TAFA4: variants seen among roughly 807,000 people sequenced by gnomAD.
TAFA4 encodes chemokine-like protein TAFA-4.
In TAFA4, 20 loss-of-function variants were observed where a neutral mutation model predicts 21.1. That is an observed-to-expected ratio of 0.95 (90% CI 0.67 to 1.38). TAFA4 has a LOEUF of 1.38. Ranked by LOEUF, TAFA4 falls within the 40% of genes most tolerant of loss-of-function variation. The pLI, the probability that TAFA4 is intolerant of heterozygous loss-of-function variation, is 0.00. For synonymous variants in TAFA4, 71 were observed against 67.4 expected, an observed-to-expected ratio of 1.05 and a Z score of -0.26; for missense variants, 211 against 180.9, an observed-to-expected ratio of 1.17 and a Z score of -0.95.
chr3:68,757,980 G>A (rs886254015), intron 3 of TAFA4, among the ~76,000 whole-genome samples: 1 of 152,036 alleles, frequency 6.6e-6, no homozygotes, highest in Non-Finnish European at 1.5e-5. Flanking sequence ...TATGGGGTAG[G>A]TACTGTTTTT....
intron 3 of TAFA4, among the ~76,000 whole-genome samples, chr3:68,764,169 G>A (rs1241741539): frequency 1.3e-5 from 2 of 152,030 alleles, no homozygotes; most frequent in Non-Finnish European, 2.9e-5. Context: ...TAAAGGTGGG[G>A]TCCTAATCTG....
intron 1 of TAFA4, among the ~76,000 whole-genome samples, chr3:68,897,395 G>C (rs2089802330): frequency 6.9e-6 from 1 of 144,108 alleles, no homozygotes; most frequent in Admixed American, 7.3e-5. Context: ...GGGAGGCCAA[G>C]GGGGGCAGAC....
chr3:68,747,991 C>A (rs954960270), intron 4 of TAFA4, among the ~76,000 whole-genome samples: 1 of 152,162 alleles, frequency 6.6e-6, no homozygotes, highest in Non-Finnish European at 1.5e-5. Context: ...CTCCCTCCAC[C>A]ATCATATCCT....
At chr3:68,885,636 A>C (rs2089664461) in intron 1 of TAFA4, among the ~76,000 whole-genome samples, 1 of 152,210 alleles carries the variant, frequency 6.6e-6, no homozygotes, top group Non-Finnish European at 1.5e-5. Context: ...CATTTCATTG[A>C]CCATCAGGAA....
At chr3:68,735,715 T>C (rs953773104) in intron 5 of TAFA4, among the ~76,000 whole-genome samples, 1 of 152,016 alleles carries the variant, frequency 6.6e-6, no homozygotes, top group African/African-American at 2.4e-5. Flanking sequence ...ATATGAAATA[T>C]TGGAAATATT....
chr3:68,808,796 C>A (rs1703763897), intron 3 of TAFA4, among the ~76,000 whole-genome samples: 1 of 152,184 alleles, frequency 6.6e-6, no homozygotes, highest in Admixed American at 6.5e-5. Flanking sequence ...CAATGGCTCA[C>A]AACAAGGGTT....
At chr3:68,846,278 T>C (rs1704791090) in intron 3 of TAFA4, among the ~76,000 whole-genome samples, 1 of 151,912 alleles carries the variant, frequency 6.6e-6, no homozygotes, top group South Asian at 2.1e-4. Flanking sequence ...CTTCAATCTC[T>C]GATATCCTTT....
chr3:68,834,004 A>G (rs1704461682), intron 3 of TAFA4, among the ~76,000 whole-genome samples: 1 of 152,066 alleles, frequency 6.6e-6, no homozygotes, highest in African/African-American at 2.4e-5. Context: ...CATATTCCCA[A>G]CTCTTCATGC....
intron 3 of TAFA4, among the ~76,000 whole-genome samples, chr3:68,774,856 T>G (rs1703021090): frequency 6.6e-6 from 1 of 152,076 alleles, no homozygotes; most frequent in Non-Finnish European, 1.5e-5. Flanking sequence ...AAAAGGAAAT[T>G]GTGTAGCTAA....
chr3:68,744,997 G>A (rs1559756675), intron 4 of TAFA4, among the ~76,000 whole-genome samples: 1 of 152,180 alleles, frequency 6.6e-6, no homozygotes, highest in Non-Finnish European at 1.5e-5. Context: ...GTTCGTCAAA[G>A]TGTTACCCAT....
At chr3:68,892,846 T>C (rs914824732) in intron 1 of TAFA4, among the ~76,000 whole-genome samples, 3 of 152,342 alleles carry the variant, frequency 2.0e-5, no homozygotes, top group South Asian at 2.1e-4. Context: ...AAAGCAATCA[T>C]TGCTAAGTAA....
At position 68,885,285 on chromosome 3, in the gene TAFA4, C is replaced by G. The variant is rs1233777064; in HGVS notation, c.-97G>C. The G allele has an allele frequency of 9.0e-7, 1 of 1,109,414 alleles. No individual in the cohort carries two copies. The highest frequency in any genetic ancestry group is 1.3e-6 in the Non-Finnish European group (1 of 783,750). 68.7% of individuals were successfully genotyped at this position (1,109,414 alleles called of 1,614,324 possible). A position where few individuals can be genotyped will look rare whatever the true frequency, so the allele number is the denominator to read the frequency against. The stretch of plus-strand genomic sequence containing the variant: ...CTAGAACCAATCATTTCTGCCGTTC[C>G]AAAAAATTATCGTAGCTCAGAAGAC... On this transcript the variant is annotated 5_prime_UTR_variant, in exon 2 of 6. Transcript: ENST00000295569.
At chr3:68,810,008 A>C (rs1703797350) in intron 3 of TAFA4, among the ~76,000 whole-genome samples, 1 of 152,170 alleles carries the variant, frequency 6.6e-6, no homozygotes, top group Admixed American at 6.5e-5. Flanking sequence ...TCTAATCATG[A>C]TGCCTCTGGC....
At chr3:68,777,015 G>T (rs1703060556) in intron 3 of TAFA4, among the ~76,000 whole-genome samples, 1 of 151,954 alleles carries the variant, frequency 6.6e-6, no homozygotes, top group African/African-American at 2.4e-5. Context: ...ATTATTGTCA[G>T]CAACTCAGCA....
intron 1 of TAFA4, among the ~76,000 whole-genome samples, chr3:68,905,631 AAGG>A (rs1225723569): frequency 7.9e-5 from 12 of 152,198 alleles, no homozygotes; most frequent in Admixed American, 7.2e-4. Context: ...CCTAAATGAC[AAGG>A]AGGAGACAGA....
intron 1 of TAFA4, among the ~76,000 whole-genome samples, chr3:68,899,493 G>T (rs921911031): frequency 6.6e-6 from 1 of 151,858 alleles, no homozygotes; most frequent in African/African-American, 2.4e-5. Context: ...TCAGATAAAG[G>T]CCTAGGAAGC....
chr3:68,842,094 T>C (rs1347905144), intron 3 of TAFA4, among the ~76,000 whole-genome samples: 2 of 152,212 alleles, frequency 1.3e-5, no homozygotes, highest in East Asian at 3.8e-4. Context: ...ATGGTATTTC[T>C]GGTTCTAGAT....
At chr3:68,880,459 G>C (rs998940733) in intron 3 of TAFA4, among the ~76,000 whole-genome samples, 3 of 152,114 alleles carry the variant, frequency 2.0e-5, no homozygotes, top group African/African-American at 7.2e-5. Context: ...ACAAATTGCT[G>C]ATGGTTTTCT....
At chr3:68,813,449 A>T (rs1009578715) in intron 3 of TAFA4, among the ~76,000 whole-genome samples, 17 of 152,216 alleles carry the variant, frequency 1.1e-4, no homozygotes, top group Non-Finnish European at 1.9e-4. Context: ...AAAAGAGAAG[A>T]ATCAAATAGA....
Sources: allele counts gnomAD v4.1 joint callset (sites outside exome capture counted in the v4.1 genomes callset), GRCh38; gene constraint gnomAD v4.1.1; transcripts MANE v1.5; gene names NCBI Gene and HGNC (gene_info 2026-07-23, HGNC 2026-07-21).